Variants in PCDH15 observed in about 807,000 individuals in gnomAD.
PCDH15 encodes the protein protocadherin-15.
Under a neutral mutation model 178.5 loss-of-function variants are expected in PCDH15, and 129 were observed. The observed-to-expected ratio is 0.72, with a 90% CI of 0.63 to 0.84. PCDH15 has a LOEUF of 0.84. Among genes scored for constraint, PCDH15 ranks in the 40% least tolerant of loss-of-function variants. The probability of loss-of-function intolerance (pLI) is 0.00; values close to 1 mark genes in which losing one functional copy is unlikely to be tolerated. For synonymous variants in PCDH15, 800 were observed against 732.0 expected, an observed-to-expected ratio of 1.09 and a Z score of -1.50; for missense variants, 2,230 against 2,099.9, an observed-to-expected ratio of 1.06 and a Z score of -1.21.
At position 54,093,140 on chromosome 10, in the gene PCDH15, T is replaced by G. The variant is rs189632156; in HGVS notation, c.1918-3077A>C. 3.6e-3 allele frequency among the ~76,000 whole-genome samples: 550 copies of G among 152,268 alleles called. 4 individuals carry two copies. Among genetic ancestry groups the G allele is most frequent in the African/African-American group, 0.013 (527 of 41,588 alleles). ...CAATCCCAGAGGTAGCTTGAAATAT[T>G]TCTTCAGTTTTATTTGACCACTCAA... On this transcript the variant is annotated intron_variant, in intron 15 of 37. Coordinates refer to ENST00000644397, the MANE Select transcript of PCDH15 (RefSeq NM_001384140.1).
intron 32 of PCDH15, chr10:53,821,425 T>A (rs2076264451): frequency 3.0e-6 from 3 of 1,004,316 alleles, no homozygotes; most frequent in Admixed American, 5.2e-5. Flanking sequence ...ACAGAACCTA[T>A]CAATCATATC....
chr10:54,870,733 C>G (rs1954022145), intron 3 of PCDH15, among the ~76,000 whole-genome samples: 1 of 151,830 alleles, frequency 6.6e-6, no homozygotes, highest in African/African-American at 2.4e-5. Context: ...TTGCAGTGAG[C>G]CGAGATCGCA....
At chr10:54,332,808 A>T (rs1452235092) in intron 6 of PCDH15, among the ~76,000 whole-genome samples, 3 of 152,140 alleles carry the variant, frequency 2.0e-5, no homozygotes, top group Non-Finnish European at 2.9e-5. Flanking sequence ...GAATTATTAA[A>T]AATAATAGTT....
At chr10:54,551,783 CA>C (rs1456021288) in intron 2 of PCDH15, among the ~76,000 whole-genome samples, 2 of 151,754 alleles carry the variant, frequency 1.3e-5, no homozygotes, top group African/African-American at 4.8e-5. Flanking sequence ...ACAGCTACCT[CA>C]AAAAATAGTA....
At chr10:54,194,243 A>T (rs1462862795) in intron 11 of PCDH15, among the ~76,000 whole-genome samples, 1 of 152,112 alleles carries the variant, frequency 6.6e-6, no homozygotes, top group Non-Finnish European at 1.5e-5. Flanking sequence ...TAATTTCCTG[A>T]AGTGATTATA....
At chr10:54,678,152 A>C (rs1037772790) in intron 1 of PCDH15, among the ~76,000 whole-genome samples, 1 of 152,216 alleles carries the variant, frequency 6.6e-6, no homozygotes, top group Non-Finnish European at 1.5e-5. Context: ...ACATATATAA[A>C]TATATGTATA....
chr10:54,600,033 GA>G, intron 2 of PCDH15: 1 of 1,338,540 alleles, frequency 7.5e-7, no homozygotes. Context: ...CAGAAGTGGG[GA>G]AAGGTGAACA....
At chr10:53,961,517 T>C (rs1252541531) in intron 22 of PCDH15, among the ~76,000 whole-genome samples, 1 of 152,044 alleles carries the variant, frequency 6.6e-6, no homozygotes, top group East Asian at 1.9e-4. Flanking sequence ...TTGTATGAAA[T>C]GTCATCATGA....
intron 2 of PCDH15, among the ~76,000 whole-genome samples, chr10:55,040,417 G>A (rs1262031497): frequency 6.6e-6 from 1 of 151,728 alleles, no homozygotes; most frequent in Non-Finnish European, 1.5e-5. Flanking sequence ...ATGTCTAAGG[G>A]GCAGTGAGAT....
rs543049376 is a variant in PCDH15, at chr10:55,195,550, G to A, written c.-155-28899C>T. On this transcript the variant is annotated intron_variant, in intron 1 of 5. Coordinates refer to the PCDH15 transcript ENST00000458638. ...GGGTGCCTATAATCCCAGCTACTCCGGAGGCTGAGGCAGAGAATTTCTTAA... is the reference window on the plus strand; with the variant it reads ...GGGTGCCTATAATCCCAGCTACTCCAGAGGCTGAGGCAGAGAATTTCTTAA... Among the ~76,000 whole-genome samples the A allele has an allele frequency of 2.4e-3, 364 of 150,058 alleles. 3 individuals are homozygous for A. Among genetic ancestry groups the A allele is most frequent in the African/African-American group, 8.2e-3 (334 of 40,770 alleles).
At chr10:54,298,908 G>C (rs1305786899) in intron 8 of PCDH15, among the ~76,000 whole-genome samples, 1 of 152,350 alleles carries the variant, frequency 6.6e-6, no homozygotes, top group East Asian at 1.9e-4. Context: ...GCTACAGATA[G>C]TAAGTATGCT....
chr10:55,135,282 C>T (rs989179368), intron 2 of PCDH15, among the ~76,000 whole-genome samples: 4 of 152,010 alleles, frequency 2.6e-5, no homozygotes, highest in African/African-American at 4.8e-5. Flanking sequence ...TGTTTATCTG[C>T]TAACTTTTAT....
At chr10:54,274,616 TTGTGTG>T (rs3069673) in intron 8 of PCDH15, among the ~76,000 whole-genome samples, 30,308 of 144,530 alleles carry the variant, frequency 0.21, 3,543 homozygotes, top group African/African-American at 0.34. Flanking sequence ...CTCAGTTTAA[TTGTGTG>T]TGTGTGTGTG....
intron 26 of PCDH15, among the ~76,000 whole-genome samples, chr10:53,874,720 T>C (rs752645592): frequency 6.1e-5 from 8 of 131,354 alleles, no homozygotes; most frequent in African/African-American, 2.1e-4. Context: ...CAAGAAACAA[T>C]CATAAAAAAG....
At chr10:55,382,153 A>G (rs1213535095) in intron 2 of PCDH15, among the ~76,000 whole-genome samples, 1 of 152,174 alleles carries the variant, frequency 6.6e-6, no homozygotes, top group Non-Finnish European at 1.5e-5. Flanking sequence ...TACTAGCCAC[A>G]AATTCATCTG....
At chr10:54,733,746 A>G (rs1943708497) in intron 1 of PCDH15, among the ~76,000 whole-genome samples, 2 of 151,726 alleles carry the variant, frequency 1.3e-5, no homozygotes, top group Admixed American at 1.3e-4. Context: ...GCAAATGGGT[A>G]GATACACATA....
At chr10:55,173,082 G>T (rs561581631) in intron 1 of PCDH15, among the ~76,000 whole-genome samples, 1 of 151,818 alleles carries the variant, frequency 6.6e-6, no homozygotes, top group Admixed American at 6.6e-5. Flanking sequence ...TTTGACTAAT[G>T]CTGGGGACAT....
chr10:54,847,500 C>T (rs565380916), intron 3 of PCDH15, among the ~76,000 whole-genome samples: 15 of 152,116 alleles, frequency 9.9e-5, no homozygotes, highest in African/African-American at 3.6e-4. Flanking sequence ...CTCAGAGTAA[C>T]TCTGTCCTCC....
intron 2 of PCDH15, among the ~76,000 whole-genome samples, chr10:55,501,080 C>A (rs545077123): frequency 2.0e-5 from 3 of 151,628 alleles, no homozygotes; most frequent in African/African-American, 7.2e-5. Context: ...TAGAGTGGGC[C>A]CTGATCAAAT....
Sources: gnomAD v4.1 joint callset for allele counts (sites outside exome capture counted in the v4.1 genomes callset) on GRCh38, gnomAD v4.1.1 for gene constraint, MANE v1.5 for transcripts, NCBI Gene and HGNC (gene_info 2026-07-23, HGNC 2026-07-21) for gene names.